Variants in CAMTA1 observed in about 807,000 individuals in gnomAD.
The protein encoded by CAMTA1 is calmodulin-binding transcription activator 1.
CAMTA1 carries 27 observed loss-of-function variants against 170.9 expected under a neutral mutation model. The observed-to-expected ratio is 0.16, with a 90% CI of 0.12 to 0.22. The LOEUF is 0.22. Ranked by LOEUF, CAMTA1 falls within the 10% of genes least tolerant of loss-of-function variation. CAMTA1 has a pLI of 1.00. For missense variants in CAMTA1, 1,619 were observed against 2,217.2 expected, an observed-to-expected ratio of 0.73 and a Z score of 5.42; for synonymous variants, 833 against 891.5, an observed-to-expected ratio of 0.93 and a Z score of 1.17.
intron 3 of CAMTA1, among the ~76,000 whole-genome samples, chr1:7,055,153 A>C (rs1318008532): frequency 6.6e-6 from 1 of 152,200 alleles, no homozygotes; most frequent in East Asian, 1.9e-4. Context: ...ACCAGGGATA[A>C]CAATTTGACA....
chr1:7,292,865 T>A (rs1161115994), intron 5 of CAMTA1, among the ~76,000 whole-genome samples: 3 of 152,158 alleles, frequency 2.0e-5, no homozygotes, highest in African/African-American at 7.2e-5. Flanking sequence ...ACGTGTTTCC[T>A]GCAGCCTCGC....
At chr1:7,340,980 G>T (rs938409959) in intron 5 of CAMTA1, among the ~76,000 whole-genome samples, 1 of 152,250 alleles carries the variant, frequency 6.6e-6, no homozygotes, top group Non-Finnish European at 1.5e-5. Context: ...ATTTATGGAA[G>T]GAAGTAGCCT....
intron 3 of CAMTA1, among the ~76,000 whole-genome samples, chr1:6,927,436 C>A (rs1239007409): frequency 1.3e-5 from 2 of 152,210 alleles, no homozygotes; most frequent in Non-Finnish European, 2.9e-5. Flanking sequence ...CATTTGTGTC[C>A]TAACAATAGC....
At chr1:7,445,193 A>G (rs1043613617) in intron 5 of CAMTA1, among the ~76,000 whole-genome samples, 1 of 151,580 alleles carries the variant, frequency 6.6e-6, no homozygotes, top group African/African-American at 2.4e-5. Context: ...GCCTGGACAG[A>G]TGGGGAGAGA....
At chr1:7,354,448 C>T (rs2084944311) in intron 5 of CAMTA1, among the ~76,000 whole-genome samples, 1 of 152,224 alleles carries the variant, frequency 6.6e-6, no homozygotes. Flanking sequence ...CGCGCCCGAC[C>T]TACCACATTT....
chr1:6,788,518 G>GT (rs1202023839), intron 1 of CAMTA1, among the ~76,000 whole-genome samples: 3 of 152,310 alleles, frequency 2.0e-5, no homozygotes, highest in African/African-American at 7.2e-5. Flanking sequence ...GGTTTTAAAT[G>GT]TTTTTATGCT....
At chr1:7,575,339 G>A (rs114597211) in intron 6 of CAMTA1, among the ~76,000 whole-genome samples, 3,150 of 152,198 alleles carry the variant, frequency 0.021, 122 homozygotes, top group African/African-American at 0.072. Context: ...TTGTTTTTTA[G>A]TGCATCAAAA....
chr1:6,790,371 A>AGTGT (rs1426604593), intron 1 of CAMTA1, among the ~76,000 whole-genome samples: 2 of 141,568 alleles, frequency 1.4e-5, no homozygotes, highest in Admixed American at 7.0e-5. Flanking sequence ...AGAGAGAGAG[A>AGTGT]GAGAGTGTGT....
chr1:6,848,751 G>A (rs1438131410), intron 3 of CAMTA1, among the ~76,000 whole-genome samples: 3 of 152,188 alleles, frequency 2.0e-5, no homozygotes, highest in Non-Finnish European at 4.4e-5. Context: ...ATTAGCAAGA[G>A]AAAAGGTAGA....
chr1:7,438,263 T>C (rs2149392969), intron 5 of CAMTA1, among the ~76,000 whole-genome samples: 1 of 152,274 alleles, frequency 6.6e-6, no homozygotes, highest in East Asian at 1.9e-4. Context: ...CAAGACGCAC[T>C]GTCCGAGCGG....
intron 6 of CAMTA1, among the ~76,000 whole-genome samples, chr1:7,579,419 T>A (rs1369206348): frequency 6.6e-6 from 1 of 152,088 alleles, no homozygotes; most frequent in Admixed American, 6.5e-5. Flanking sequence ...CAGGTGCTGT[T>A]ATTACCTGCC....
intron 6 of CAMTA1, among the ~76,000 whole-genome samples, chr1:7,590,654 G>T (rs772698864): frequency 1.3e-5 from 2 of 152,186 alleles, no homozygotes; most frequent in African/African-American, 4.8e-5. Context: ...ACCAGACAGC[G>T]CTAATTTTGG....
chr1:7,019,828 C>T (rs567958996), intron 3 of CAMTA1, among the ~76,000 whole-genome samples: 2 of 152,356 alleles, frequency 1.3e-5, no homozygotes, highest in African/African-American at 2.4e-5. Context: ...GCCACAGCCC[C>T]GCCCAGCTCC....
intron 5 of CAMTA1, among the ~76,000 whole-genome samples, chr1:7,382,074 C>G (rs377133593): frequency 1.2e-4 from 18 of 152,324 alleles, no homozygotes; most frequent in African/African-American, 4.3e-4. Flanking sequence ...GCCATAGTGC[C>G]TGCATTCCAG....
chr1:7,559,153 G>A (rs923846904), intron 6 of CAMTA1, among the ~76,000 whole-genome samples: 2 of 152,156 alleles, frequency 1.3e-5, no homozygotes, highest in Non-Finnish European at 2.9e-5. Context: ...CACGGAGGCC[G>A]GCTGTAGGCA....
intron 6 of CAMTA1, among the ~76,000 whole-genome samples, chr1:7,473,568 C>A (rs538930357): frequency 6.6e-6 from 1 of 152,372 alleles, no homozygotes; most frequent in East Asian, 1.9e-4. Flanking sequence ...GCCCTATAGG[C>A]CTCAGCCCAG....
At chr1:7,559,655 C>T (rs949648424) in intron 6 of CAMTA1, among the ~76,000 whole-genome samples, 1 of 152,112 alleles carries the variant, frequency 6.6e-6, no homozygotes, top group African/African-American at 2.4e-5. Context: ...CAGGCAGGCT[C>T]TGAGCCTGCG....
chr1:7,063,023 A>G lies in CAMTA1; in HGVS notation c.235-28281A>G, dbSNP rs1250494900. ...AGCTCCTATTTCCAAATAAGGGCAC[A>G]TGCGTGGGTACAGGGGTTAGGACTT... On this transcript the variant is annotated intron_variant, in intron 3 of 22. Coordinates refer to ENST00000303635, the MANE Select transcript of CAMTA1 (RefSeq NM_015215.4). This position sits in a 1 kb window ranked among gnomAD's most constrained non-coding sequence, Gnocchi z 4.3. Among the ~76,000 whole-genome samples the G allele has an allele frequency of 6.6e-6, 1 of 152,208 alleles. No individual in the cohort carries two copies. Among genetic ancestry groups the G allele is most frequent in the Non-Finnish European group, 1.5e-5 (1 of 68,044 alleles).
chr1:7,035,708 C>T (rs1703490916), intron 3 of CAMTA1, among the ~76,000 whole-genome samples: 1 of 152,218 alleles, frequency 6.6e-6, no homozygotes, highest in South Asian at 2.1e-4. Flanking sequence ...CCCGAAGGGT[C>T]TGCAGACCAT....
Sources: allele counts gnomAD v4.1 joint callset (sites outside exome capture counted in the v4.1 genomes callset), GRCh38; gene constraint gnomAD v4.1.1; non-coding constraint Gnocchi (gnomAD v3.1); transcripts MANE v1.5; gene names NCBI Gene and HGNC (gene_info 2026-07-23, HGNC 2026-07-21).